Variants in TRIM25 observed in about 807,000 individuals in gnomAD.
TRIM25 encodes the protein E3 ubiquitin/ISG15 ligase TRIM25.
A neutral mutation model predicts 65.2 loss-of-function variants in TRIM25; 45 were observed. That is an observed-to-expected ratio of 0.69 (90% CI 0.54 to 0.89). TRIM25 has a LOEUF of 0.89. TRIM25 is among the 40% of genes least tolerant of loss of function. The probability of loss-of-function intolerance (pLI) is 0.00; values close to 1 mark genes in which losing one functional copy is unlikely to be tolerated. For missense variants in TRIM25, 714 were observed against 803.7 expected (o/e 0.89, Z 1.35); for synonymous variants, 321 against 340.4 (o/e 0.94, Z 0.63).
Position 56,913,422 on chromosome 17 carries a change from C to G in TRIM25, c.567G>C (p.Ala189=). Residue 189 remains alanine, a synonymous_variant, in exon 1 of 9, where the codon GCG becomes GCC. Coordinates refer to ENST00000316881, the MANE Select transcript of TRIM25 (RefSeq NM_005082.5). The surrounding 1 kb of genome is among the most constrained non-coding windows in gnomAD (Gnocchi z 6.1). ...GGTCGGCGCTGGCCTGGCTCAGGGA[C>G]GCGGGAGAGCAGGTCTTATGCTCCA... The part of the protein sequence containing the change: ...CLVEHKTCSP[A]SLSQASADLE... The G allele has an allele frequency of 6.3e-7, 1 of 1,586,104 alleles. No individual in the cohort carries two copies. Among genetic ancestry groups the G allele is most frequent in the Non-Finnish European group, 8.6e-7 (1 of 1,161,934 alleles).
At chr17:56,910,126 A>G (rs534331899) in intron 1 of TRIM25, among the ~76,000 whole-genome samples, 37 of 152,210 alleles carry the variant, frequency 2.4e-4, no homozygotes, top group African/African-American at 7.5e-4. Flanking sequence ...AATCATAGAC[A>G]CATGCCCAAA....
intron 1 of TRIM25, among the ~76,000 whole-genome samples, chr17:56,910,266 A>C (rs1225482634): frequency 6.6e-6 from 1 of 152,146 alleles, no homozygotes; most frequent in Non-Finnish European, 1.5e-5. Flanking sequence ...GCGGAACCTG[A>C]TCTTGAATCT....
chr17:56,901,329 C>T, intron 4 of TRIM25, 90 bp downstream of exon 4: 1 of 1,432,028 alleles, frequency 7.0e-7, no homozygotes, highest in Non-Finnish European at 9.5e-7. Context: ...TGCTCGGGAT[C>T]ACGCCCCAAT....
Position 56,895,614 on chromosome 17 carries a change from A to T in TRIM25, c.1181-10T>A. 1 of 1,548,684 alleles carries T rather than the reference A, an allele frequency of 6.5e-7. No individual in the cohort carries two copies. ...AAGGCAGGGACAGGGGCTGGGGGTA[A>T]GGAAAGGGAAATATGATACAGAGCA... On this transcript the variant is annotated splice_polypyrimidine_tract_variant and intron_variant, in intron 6 of 8. Coordinates refer to ENST00000316881, the MANE Select transcript of TRIM25 (RefSeq NM_005082.5).
chr17:56,895,610 G>A lies in TRIM25; in HGVS notation c.1181-6C>T, dbSNP rs969911930. The A allele has an allele frequency of 2.6e-6, 4 of 1,551,076 alleles. No homozygotes were observed. In the African/African-American group the frequency reaches 4.1e-5, roughly 16 times the overall value. On this transcript the variant is annotated splice_polypyrimidine_tract_variant and splice_region_variant and intron_variant, in intron 6 of 8. Transcript: ENST00000316881. ...GGGTAAGGCAGGGACAGGGGCTGGG[G>A]GTAAGGAAAGGGAAATATGATACAG...
intron 1 of TRIM25, among the ~76,000 whole-genome samples, chr17:56,911,900 GA>G (rs1057345511): frequency 2.3e-5 from 3 of 128,694 alleles, no homozygotes; most frequent in East Asian, 2.3e-4. Flanking sequence ...TCTAAAAGAA[GA>G]AAAAAAAAAG....
Position 56,913,425 on chromosome 17 carries a change from G to A in TRIM25, c.564C>T (p.Pro188=). Residue 188 remains proline (P), a synonymous_variant, in exon 1 of 9, where the codon CCC becomes CCT. Transcript: ENST00000316881. The surrounding 1 kb of genome is among the most constrained non-coding windows in gnomAD (Gnocchi z 6.1). ...CGGCGCTGGCCTGGCTCAGGGACGC[G>A]GGAGAGCAGGTCTTATGCTCCACCA... ...ICLVEHKTCS[P]ASLSQASADL... 9 of 1,590,452 alleles carry A rather than the reference G, an allele frequency of 5.7e-6. No homozygotes were observed. Among genetic ancestry groups the A allele is most frequent in the Admixed American group, 5.1e-5 (3 of 58,626 alleles).
Position 56,913,583 on chromosome 17 carries a change from C to A in TRIM25, c.406G>T (p.Asp136Tyr), listed in dbSNP as rs1210317154. 2 of 1,611,016 alleles carry A rather than the reference C, an allele frequency of 1.2e-6. No individual in the cohort carries two copies. Among genetic ancestry groups the A allele is most frequent in the Admixed American group, 1.7e-5 (1 of 59,706 alleles). The change falls in exon 1 of 9, where the codon GAC (aspartate) becomes TAC (tyrosine). Residue 136 changes from aspartate to tyrosine, a missense_variant. By Grantham distance (160) the Asp-to-Tyr change is radical. Transcript: ENST00000316881. The surrounding 1 kb of genome is among the most constrained non-coding windows in gnomAD (Gnocchi z 6.1). ...GGGTGGTCCTGGAAGGCGGGGCTGT[C>A]GAAGTGCGGCTGCAGGTGCTCCTGA... is the stretch of plus-strand genomic sequence containing the variant. ...FCQEHLQPHF[D>Y]SPAFQDHPLQ...
chr17:56,888,439 A>T lies in TRIM25; in HGVS notation c.*3261T>A, dbSNP rs1372768925. On this transcript the variant is annotated 3_prime_UTR_variant, in exon 9 of 9. Transcript: ENST00000316881. ...TCCTGGAACTCCTACCCCAATTGAA[A>T]CAAGGATAAAATCCACTGAACATGG... is the stretch of plus-strand genomic sequence containing the variant. 2 of 152,098 alleles carry T rather than the reference A, an allele frequency of 1.3e-5. No individual in the cohort carries two copies. The highest frequency in any genetic ancestry group is 2.9e-5 in the Non-Finnish European group (2 of 68,024). The allele number at this position is 152,098 out of a possible 1,614,324, so 9.4% of individuals were successfully genotyped here. A position where few individuals can be genotyped will look rare whatever the true frequency, so the allele number is the denominator to read the frequency against.
At chr17:56,912,428 T>C (rs746449889) in intron 1 of TRIM25, among the ~76,000 whole-genome samples, 3 of 152,190 alleles carry the variant, frequency 2.0e-5, no homozygotes, top group Non-Finnish European at 4.4e-5. Flanking sequence ...TGCAAGAGTG[T>C]TGGCTCTCCC....
Position 56,904,343 on chromosome 17 carries a change from A to G in TRIM25, c.839T>C (p.Ile280Thr). Residue 280 changes from isoleucine to threonine, a missense_variant, in exon 3 of 9, where the codon ATT becomes ACT. Physicochemically the swap from Ile to Thr is moderately conservative, Grantham distance 89 (BLOSUM62 -1). This residue lies in a region of TRIM25 where 413 missense variants were observed against 498.2 expected (regional missense o/e 0.83). Transcript: ENST00000316881. Reference protein sequence around the residue: ...VNSKFDTIYQILLKKKSEIQT... With the variant: ...VNSKFDTIYQTLLKKKSEIQT... ...GATCTCACTCTTCTTCTTGAGGAGA[A>G]TCTGATAAATGGTGTCAAACTTGCT... 6.2e-7 allele frequency: 1 copy of G among 1,614,038 alleles called. No homozygotes were observed. Among genetic ancestry groups the G allele is most frequent in the South Asian group, 1.1e-5 (1 of 91,070 alleles).
chr17:56,900,373 C>G (rs1266677469), intron 4 of TRIM25, among the ~76,000 whole-genome samples: 1 of 152,016 alleles, frequency 6.6e-6, no homozygotes, highest in Non-Finnish European at 1.5e-5. Context: ...GGCGACAGAG[C>G]AAGATCCTGA....
rs1435875314 is a variant in TRIM25 at position 56,889,586 on chromosome 17, G to C, written c.*2114C>G. ...AGCACCTTGCACAGAGCTTGGCTTT[G>C]GTTACCTACTTGACTCTCTTTTAAA... On this transcript the variant is annotated 3_prime_UTR_variant, in exon 9 of 9. Coordinates refer to ENST00000316881, the MANE Select transcript of TRIM25 (RefSeq NM_005082.5). The C allele has an allele frequency of 1.3e-5, 5 of 395,126 alleles. No individual in the cohort carries two copies. The highest frequency in any genetic ancestry group is 2.2e-5 in the Non-Finnish European group (5 of 224,578). 24.5% of individuals were successfully genotyped at this position (395,126 alleles called of 1,614,324 possible).
rs754733500 is a variant in TRIM25 at position 56,908,510 on chromosome 17, C to T, written c.651G>A (p.Ser217=). 22 of 1,613,980 alleles carry T rather than the reference C, an allele frequency of 1.4e-5. No homozygotes were observed. The highest frequency in any genetic ancestry group is 6.7e-5 in the African/African-American group (5 of 74,938). Residue 217 remains serine (S), a synonymous_variant, in exon 2 of 9, where the codon TCG becomes TCA. Coordinates refer to ENST00000316881, the MANE Select transcript of TRIM25 (RefSeq NM_005082.5). ...TVMYSQINGA[S]RALDDVRNRQ... ...TGTTTCTCACATCATCCAGTGCTCT[C>T]GACGCCCCGTTGATCTGACTGTACA...
chr17:56,908,006 G>C (rs1909553765), intron 2 of TRIM25, among the ~76,000 whole-genome samples: 1 of 152,146 alleles, frequency 6.6e-6, no homozygotes, highest in Admixed American at 6.5e-5. Context: ...CGGGAGTGTG[G>C]CCACGCCAAC....
In TRIM25 at chr17:56,895,781, C is replaced by T. The variant is rs1909280659; in HGVS notation, c.1180+145G>A. ...CACTTATGCTTGTCCTCCCCTCCAG[C>T]CTCAGGCCTGCTGCCATTACAGAAT... On this transcript the variant is annotated intron_variant, in intron 6 of 8. Coordinates refer to ENST00000316881, the MANE Select transcript of TRIM25 (RefSeq NM_005082.5). The T allele has an allele frequency of 2.4e-6, 3 of 1,240,074 alleles. No individual in the cohort carries two copies. The East Asian group carries it at 7.4e-5, about 31-fold the overall frequency. The allele number at this position is 1,240,074 out of a possible 1,614,324, so 76.8% of individuals were successfully genotyped here.
chr17:56,901,662 C>A, intron 3 of TRIM25, 84 bp from the exon 4 acceptor site: 1 of 1,553,066 alleles, frequency 6.4e-7, no homozygotes, highest in South Asian at 1.2e-5. Flanking sequence ...AGGAGGCTCT[C>A]CCCTATGCCC....
Position 56,896,160 on chromosome 17 carries a change from A to C in TRIM25, c.1154-208T>G, listed in dbSNP as rs115951305. Among the ~76,000 whole-genome samples the C allele has an allele frequency of 3.9e-3, 593 of 152,308 alleles. 6 individuals are homozygous for C. The highest frequency in any genetic ancestry group is 0.013 in the African/African-American group (560 of 41,564). ...TGGGGGCGGGGACTGACTAATAAGGAGCATGAAGGAATTTTCTGGAGAAAG... is the reference window on the plus strand; with the variant it reads ...TGGGGGCGGGGACTGACTAATAAGGCGCATGAAGGAATTTTCTGGAGAAAG... On this transcript the variant is annotated intron_variant, in intron 5 of 8. Transcript: ENST00000316881.
chr17:56,888,746 T>A lies in TRIM25; in HGVS notation c.*2954A>T, dbSNP rs1369522286. On this transcript the variant is annotated 3_prime_UTR_variant, in exon 9 of 9. Coordinates refer to ENST00000316881, the MANE Select transcript of TRIM25 (RefSeq NM_005082.5). ...AAGCTTCCCGAAGAGGAACTCTATA[T>A]AGGGCAGGACTAAGTGTGCTGGCTA... The A allele has an allele frequency of 6.6e-6, 1 of 152,214 alleles. No individual in the cohort carries two copies. The highest frequency in any genetic ancestry group is 1.5e-5 in the Non-Finnish European group (1 of 68,064). The allele number at this position is 152,214 out of a possible 1,614,324, so 9.4% of individuals were successfully genotyped here.
Sources: gnomAD v4.1 joint callset for allele counts (sites outside exome capture counted in the v4.1 genomes callset) on GRCh38, gnomAD v4.1.1 for gene constraint, gnomAD v4.1.1 regional missense constraint, Gnocchi (gnomAD v3.1) non-coding constraint, MANE v1.5 for transcripts, NCBI Gene and HGNC (gene_info 2026-07-23, HGNC 2026-07-21) for gene names.